The following CNTN5 variants were observed in gnomAD, a reference collection of about 807,000 sequenced individuals.
CNTN5 encodes contactin 5.
Under a neutral mutation model 129.1 loss-of-function variants are expected in CNTN5, and 77 were observed. That is an observed-to-expected ratio of 0.60 (90% CI 0.50 to 0.72). CNTN5 has a LOEUF of 0.72. Ranked by LOEUF, CNTN5 falls within the 30% of genes least tolerant of loss-of-function variation. The probability of loss-of-function intolerance (pLI) is 0.00; values close to 1 mark genes in which losing one functional copy is unlikely to be tolerated. For missense variants in CNTN5, 1,478 were observed against 1,328.8 expected (o/e 1.11, Z -1.75); for synonymous variants, 509 against 465.6 (o/e 1.09, Z -1.20).
intron 10 of CNTN5, 172 bp from the exon 11 acceptor site, chr11:100,070,252 G>A (rs1943865464): frequency 2.0e-6 from 1 of 497,454 alleles, no homozygotes; most frequent in Admixed American, 3.8e-5. Flanking sequence ...TATTTTTTGG[G>A]GGTACAGGAA....
At chr11:100,069,137 G>A (rs780436020) in intron 10 of CNTN5, among the ~76,000 whole-genome samples, 43 of 151,914 alleles carry the variant, frequency 2.8e-4, no homozygotes, top group Non-Finnish European at 5.0e-4. Flanking sequence ...TGACATGCAT[G>A]TGTAGTTTTC....
chr11:99,153,516 A>G (rs1009213216), intron 1 of CNTN5, among the ~76,000 whole-genome samples: 16 of 146,454 alleles, frequency 1.1e-4, no homozygotes, highest in African/African-American at 3.0e-4. Context: ...TAAAATAACC[A>G]TTTTGTCTTT....
chr11:99,856,951 C>A (rs180781264), intron 6 of CNTN5, among the ~76,000 whole-genome samples: 4 of 151,960 alleles, frequency 2.6e-5, no homozygotes, highest in Admixed American at 2.6e-4. Flanking sequence ...TGTTCAATAA[C>A]CCACGTCTCT....
chr11:99,673,296 A>G (rs1207635642), intron 3 of CNTN5, among the ~76,000 whole-genome samples: 2 of 152,204 alleles, frequency 1.3e-5, no homozygotes, highest in Non-Finnish European at 2.9e-5. Context: ...GATAGGAAGC[A>G]CAGACTTATA....
chr11:100,136,992 T>C (rs754444789), intron 13 of CNTN5, among the ~76,000 whole-genome samples: 25 of 151,888 alleles, frequency 1.6e-4, no homozygotes, highest in Non-Finnish European at 2.9e-4. Context: ...AAATAAAATA[T>C]ATACTTACTT....
intron 16 of CNTN5, among the ~76,000 whole-genome samples, chr11:100,254,742 GGTT>G (rs1950033634): frequency 6.6e-6 from 1 of 151,988 alleles, no homozygotes; most frequent in Non-Finnish European, 1.5e-5. Flanking sequence ...CATTTCTTAG[GGTT>G]TAGCTCATGT....
In CNTN5 at chr11:100,211,447, C is replaced by G. The variant is rs111425964; in HGVS notation, c.1885-13245C>G. Among the ~76,000 whole-genome samples, 877 of 151,304 alleles carry G rather than the reference C, an allele frequency of 5.8e-3. 17 individuals are homozygous for G. Among genetic ancestry groups the G allele is most frequent in the African/African-American group, 0.02 (839 of 41,190 alleles). ...AGCTATAGATTGTAGCAGACAACCA[C>G]AGTGCTAGATCAGTCTGATATTGGG... On this transcript the variant is annotated intron_variant, in intron 15 of 24. Coordinates refer to ENST00000524871, the MANE Select transcript of CNTN5 (RefSeq NM_014361.4).
At chr11:99,356,983 A>T (rs1009890196) in intron 2 of CNTN5, among the ~76,000 whole-genome samples, 8 of 152,230 alleles carry the variant, frequency 5.3e-5, no homozygotes, top group Admixed American at 4.6e-4. Context: ...CAAGTATAGA[A>T]AAAGGAAACT....
intron 2 of CNTN5, among the ~76,000 whole-genome samples, chr11:99,507,945 T>A: frequency 6.6e-6 from 1 of 152,222 alleles, no homozygotes; most frequent in East Asian, 1.9e-4. Context: ...CTCAAATGTG[T>A]TTTTATGAAG....
At chr11:99,081,779 C>A (rs753001693) in intron 1 of CNTN5, among the ~76,000 whole-genome samples, 28 of 152,092 alleles carry the variant, frequency 1.8e-4, no homozygotes, top group Admixed American at 9.2e-4. Context: ...TAAAAATAAT[C>A]ACATTGAATA....
intron 6 of CNTN5, among the ~76,000 whole-genome samples, chr11:99,908,254 T>G (rs1378911807): frequency 6.6e-6 from 1 of 151,984 alleles, no homozygotes; most frequent in Admixed American, 6.6e-5. Flanking sequence ...AAAGTAATTA[T>G]ATAAGGAAAT....
intron 6 of CNTN5, among the ~76,000 whole-genome samples, chr11:99,883,287 T>G (rs1227117255): frequency 6.6e-6 from 1 of 152,180 alleles, no homozygotes. Flanking sequence ...TTGAGGAACC[T>G]CCAAACTGTT....
intron 1 of CNTN5, among the ~76,000 whole-genome samples, chr11:99,167,355 T>G (rs962667491): frequency 6.6e-6 from 1 of 152,132 alleles, no homozygotes; most frequent in Admixed American, 6.5e-5. Context: ...GTTAAATTGA[T>G]TTTTCCTAGG....
chr11:99,452,017 A>G (rs951720934), intron 2 of CNTN5, among the ~76,000 whole-genome samples: 2 of 152,188 alleles, frequency 1.3e-5, no homozygotes, highest in Non-Finnish European at 2.9e-5. Flanking sequence ...ACTTCACAGT[A>G]AAGTTCTAAT....
At chr11:100,189,797 A>G (rs1948418366) in intron 13 of CNTN5, among the ~76,000 whole-genome samples, 1 of 152,130 alleles carries the variant, frequency 6.6e-6, no homozygotes, top group African/African-American at 2.4e-5. Context: ...GTTTTAAGCT[A>G]GCATCTCTCC....
chr11:99,223,295 C>T (rs2135708022), intron 1 of CNTN5, among the ~76,000 whole-genome samples: 1 of 152,274 alleles, frequency 6.6e-6, no homozygotes, highest in South Asian at 2.1e-4. Context: ...AATCTTAACT[C>T]ATCCACATTA....
At chr11:99,901,627 G>T (rs767700244) in intron 6 of CNTN5, among the ~76,000 whole-genome samples, 1 of 152,026 alleles carries the variant, frequency 6.6e-6, no homozygotes, top group Non-Finnish European at 1.5e-5. Context: ...GCATAGAATG[G>T]TTTATTTTTT....
At chr11:99,434,259 G>A (rs761662314) in intron 2 of CNTN5, among the ~76,000 whole-genome samples, 1 of 152,052 alleles carries the variant, frequency 6.6e-6, no homozygotes, top group Non-Finnish European at 1.5e-5. Context: ...ATGTCATGCA[G>A]CATGTTTCTG....
chr11:99,218,721 T>C lies in CNTN5; in HGVS notation c.-209-106625T>C, dbSNP rs114935587. ...ACTAGAACCCTGAATTTGCAGCTGG[T>C]TACAAGACCTGATAGAATAAGAACT... is the stretch of plus-strand genomic sequence containing the variant. On this transcript the variant is annotated intron_variant, in intron 1 of 24. Transcript: ENST00000524871. Among the ~76,000 whole-genome samples the C allele has an allele frequency of 4.2e-3, 645 of 152,244 alleles. 6 individuals carry two copies. The highest frequency in any genetic ancestry group is 0.013 in the African/African-American group (547 of 41,576).
Sources: gnomAD v4.1 joint callset for allele counts (sites outside exome capture counted in the v4.1 genomes callset) on GRCh38, gnomAD v4.1.1 for gene constraint, MANE v1.5 for transcripts, NCBI Gene and HGNC (gene_info 2026-07-23, HGNC 2026-07-21) for gene names.